Variants in CLN8 observed in about 807,000 individuals in gnomAD.
The protein encoded by CLN8 is CLN8 transmembrane ER and ERGIC protein, also known as protein CLN8.
CLN8 carries 14 observed loss-of-function variants against 15.7 expected under a neutral mutation model. The observed-to-expected ratio is 0.89, with a 90% CI of 0.59 to 1.39. The LOEUF (loss-of-function observed/expected upper bound fraction) is 1.39, where lower values mean the gene tolerates loss of function less well. CLN8 is among the 40% of genes most tolerant of loss of function. The pLI is 0.00. For synonymous variants in CLN8, 188 were observed against 151.0 expected (o/e 1.25, Z -1.80); for missense variants, 415 against 364.0 (o/e 1.14, Z -1.14).
chr8:1,753,391 T>C (rs1455155626), upstream of CLN8, among the ~76,000 whole-genome samples: 2 of 151,548 alleles, frequency 1.3e-5, no homozygotes, highest in African/African-American at 4.9e-5. Context: ...GCCAATACGG[T>C]GAAAACCCAT....
upstream of CLN8, chr8:1,762,640 A>C (rs1256584408): frequency 6.6e-6 from 1 of 152,202 alleles, no homozygotes; most frequent in African/African-American, 2.4e-5. Context: ...GGTTATAATA[A>C]TTTTGAAATG....
At position 1,781,142 on chromosome 8, in the gene CLN8, G is replaced by C. The variant is rs904627391; in HGVS notation, c.*575G>C. The C allele has an allele frequency of 1.6e-4, 25 of 153,512 alleles. No individual in the cohort carries two copies. Among genetic ancestry groups the C allele is most frequent in the Non-Finnish European group, 3.2e-4 (22 of 69,078 alleles). 9.5% of individuals were successfully genotyped at this position (153,512 alleles called of 1,614,324 possible). On this transcript the variant is annotated 3_prime_UTR_variant, in exon 3 of 3. Transcript: ENST00000331222. ...GGAGGCCGAGGCAGGTGGATCACTT[G>C]AGGCCAGGAGTTCGAGACCAGCCTG... is the stretch of plus-strand genomic sequence containing the variant.
In CLN8 at chr8:1,771,351, G is replaced by A. The variant is rs1057521001; in HGVS notation, c.297G>A (p.Gln99=). Residue 99 remains glutamine, a synonymous_variant, in exon 2 of 3, where the codon CAG becomes CAA. Transcript: ENST00000331222. ...PVLHADKARG[Q]QNWCWFHITT... ...TGCATGCCGACAAGGCGCGTGGCCA[G>A]CAGAACTGGTGCTGGTTTCACATCA... 1.2e-6 allele frequency: 2 copies of A among 1,614,232 alleles called. No individual in the cohort carries two copies. The highest frequency in any genetic ancestry group is 1.7e-5 in the Admixed American group (1 of 60,030).
chr8:1,755,499 C>T (rs574618816), upstream of CLN8, among the ~76,000 whole-genome samples: 233 of 152,316 alleles, frequency 1.5e-3, 2 homozygotes, highest in African/African-American at 5.3e-3. Context: ...TGCCTCCCCC[C>T]GTTCTACCCC....
intron 2 of CLN8, among the ~76,000 whole-genome samples, chr8:1,773,182 C>G (rs1801381751): frequency 6.6e-6 from 1 of 152,128 alleles, no homozygotes; most frequent in Non-Finnish European, 1.5e-5. Flanking sequence ...AGCACAGTGA[C>G]AGGAAAGTGC....
At chr8:1,767,790 C>G (rs1441797546) in intron 1 of CLN8, among the ~76,000 whole-genome samples, 2 of 151,812 alleles carry the variant, frequency 1.3e-5, no homozygotes, top group East Asian at 1.9e-4. Flanking sequence ...CCAGGCTGGT[C>G]TCGAACTTCT....
At chr8:1,774,752 G>A (rs1215375986) in intron 2 of CLN8, among the ~76,000 whole-genome samples, 2 of 152,208 alleles carry the variant, frequency 1.3e-5, no homozygotes, top group East Asian at 1.9e-4. Flanking sequence ...CAGCACTTTG[G>A]GAGGCCAAGG....
chr8:1,766,656 G>A (rs1326379692), intron 1 of CLN8, among the ~76,000 whole-genome samples: 1 of 152,062 alleles, frequency 6.6e-6, no homozygotes, highest in Non-Finnish European at 1.5e-5. Context: ...CTCCCAAAGT[G>A]CTGGGATTAC....
In CLN8 at chr8:1,786,232, A is replaced by AG. The variant is rs1322665843; in HGVS notation, c.*5672dup. On this transcript the variant is annotated 3_prime_UTR_variant, in exon 3 of 3. Coordinates refer to ENST00000331222, the MANE Select transcript of CLN8 (RefSeq NM_018941.4). Reference sequence around the variant, plus strand: ...GCCCTGGGGGAGGGGCTGCAGGAGGAGGGGGGGCAGGCACCCATGAGTCTG... The same window carrying AG: ...GCCCTGGGGGAGGGGCTGCAGGAGGAGGGGGGGGCAGGCACCCATGAGTCTG... 1.1e-4 allele frequency: 17 copies of AG among 152,332 alleles called. No individual in the cohort carries two copies. In the East Asian group the frequency reaches 1.9e-3, roughly 17 times the overall value. The allele number at this position is 152,332 out of a possible 1,614,324, so 9.4% of individuals were successfully genotyped here. A position where few individuals can be genotyped will look rare whatever the true frequency, so the allele number is the denominator to read the frequency against.
chr8:1,771,089 G>T lies in CLN8; in HGVS notation c.35G>T (p.Ser12Ile). The part of the protein sequence containing the change: ...NPASDGGTSE[S>I]IFDLDYASWG... ...GCGAGCGATGGGGGCACATCAGAGA[G>T]CATTTTTGACCTGGACTATGCATCC... Residue 12 changes from serine to isoleucine, a missense_variant, in exon 2 of 3, where the codon AGC becomes ATC. By Grantham distance (142) the Ser-to-Ile change is moderately radical. Transcript: ENST00000331222. 1.2e-6 allele frequency: 2 copies of T among 1,614,028 alleles called. No homozygotes were observed. Among genetic ancestry groups the T allele is most frequent in the Non-Finnish European group, 1.7e-6 (2 of 1,180,014 alleles).
chr8:1,780,009 A>G, intron 2 of CLN8: 13 of 985,486 alleles, frequency 1.3e-5, no homozygotes, highest in Non-Finnish European at 1.6e-5. Context: ...GAGCAAGAGG[A>G]GCAGGAAAAC....
intron 1 of CLN8, among the ~76,000 whole-genome samples, chr8:1,756,796 C>G (rs1800680690): frequency 1.3e-5 from 2 of 151,342 alleles, no homozygotes; most frequent in Admixed American, 1.3e-4. Flanking sequence ...AATTCTCCTG[C>G]CTCAGCCTCC....
chr8:1,753,749 G>C (rs1473149023), upstream of CLN8, among the ~76,000 whole-genome samples: 1 of 151,370 alleles, frequency 6.6e-6, no homozygotes, highest in Non-Finnish European at 1.5e-5. Context: ...AGCCGGCTGT[G>C]GTTGTGGGTG....
In CLN8 at chr8:1,782,203, G is replaced by A. The variant is rs1470587195; in HGVS notation, c.*1636G>A. ...TTTGGCTCCCAGGCTGGAGTCCAGTGGTGTGATCTCGGCTCACTGCAACCT... is the reference window on the plus strand; with the variant it reads ...TTTGGCTCCCAGGCTGGAGTCCAGTAGTGTGATCTCGGCTCACTGCAACCT... On this transcript the variant is annotated 3_prime_UTR_variant, in exon 3 of 3. Coordinates refer to ENST00000331222, the MANE Select transcript of CLN8 (RefSeq NM_018941.4). 1.3e-5 allele frequency: 2 copies of A among 152,150 alleles called. No homozygotes were observed. The highest frequency in any genetic ancestry group is 6.6e-5 in the Admixed American group (1 of 15,258). 9.4% of individuals were successfully genotyped at this position (152,150 alleles called of 1,614,324 possible).
rs754933058 is a variant in CLN8 at position 1,771,192 on chromosome 8, C to T, written c.138C>T (p.Ser46=). 1 of 1,614,064 alleles carries T rather than the reference C, an allele frequency of 6.2e-7. No homozygotes were observed. The highest frequency in any genetic ancestry group is 1.3e-5 in the African/African-American group (1 of 74,990). ...LGVFVVCHQL[S]SSLNATYRSL... Reference sequence around the variant, plus strand: ...TCTTTGTGGTCTGCCACCAGCTGTCCTCTTCCCTGAATGCCACTTACCGTT... The same window carrying T: ...TCTTTGTGGTCTGCCACCAGCTGTCTTCTTCCCTGAATGCCACTTACCGTT... The change falls in exon 2 of 3, where the codon TCC becomes TCT. Residue 46 remains serine, a synonymous_variant. Transcript: ENST00000331222.
chr8:1,765,676 C>T (rs552523595), intron 1 of CLN8, among the ~76,000 whole-genome samples: 12 of 152,274 alleles, frequency 7.9e-5, no homozygotes, highest in South Asian at 2.1e-4. Context: ...GAGTGGGTAA[C>T]AGGAATGCTG....
chr8:1,775,038 A>G (rs555564849), intron 2 of CLN8, among the ~76,000 whole-genome samples: 30 of 152,284 alleles, frequency 2.0e-4, no homozygotes, highest in African/African-American at 7.2e-4. Context: ...ATGTGTGTGT[A>G]TATATATGTA....
In CLN8 at chr8:1,783,322, G is replaced by A. The variant is rs1801752828; in HGVS notation, c.*2755G>A. On this transcript the variant is annotated 3_prime_UTR_variant, in exon 3 of 3. Coordinates refer to ENST00000331222, the MANE Select transcript of CLN8 (RefSeq NM_018941.4). ...TTACAGCAAGTGTTAAACGAGGTGAGTTCACATAACAGGAATTCTGGAACT... is the reference window on the plus strand; with the variant it reads ...TTACAGCAAGTGTTAAACGAGGTGAATTCACATAACAGGAATTCTGGAACT... 1 of 152,294 alleles carries A rather than the reference G, an allele frequency of 6.6e-6. No individual in the cohort carries two copies. The highest frequency in any genetic ancestry group is 2.1e-4 in the South Asian group (1 of 4,834). 9.4% of individuals were successfully genotyped at this position (152,294 alleles called of 1,614,324 possible).
At chr8:1,753,591 A>G (rs184591629), upstream of CLN8, among the ~76,000 whole-genome samples, 973 of 137,462 alleles carry the variant, frequency 7.1e-3, 21 homozygotes, top group African/African-American at 0.025. Flanking sequence ...AAAAAGAAAG[A>G]AAAAGAAAAA....
Sources: gnomAD v4.1 joint callset for allele counts (sites outside exome capture counted in the v4.1 genomes callset) on GRCh38, gnomAD v4.1.1 for gene constraint, MANE v1.5 for transcripts, NCBI Gene and HGNC (gene_info 2026-07-23, HGNC 2026-07-21) for gene names.